Variants in PLA2G4C observed in about 807,000 individuals in gnomAD.
PLA2G4C encodes phospholipase A2 group IVC, also known as cytosolic phospholipase A2 gamma.
PLA2G4C carries 64 observed loss-of-function variants against 73.8 expected under a neutral mutation model. The ratio of observed to expected loss-of-function variants is 0.87; its 90% CI spans 0.71 to 1.07. The LOEUF (loss-of-function observed/expected upper bound fraction) is 1.07. Ranked by LOEUF, PLA2G4C falls within the 50% of genes least tolerant of loss-of-function variation. PLA2G4C has a pLI of 0.00. For missense variants in PLA2G4C, 622 were observed against 665.4 expected (o/e 0.93, Z 0.72); for synonymous variants, 254 against 252.1 (o/e 1.01, Z -0.07).
In PLA2G4C at chr19:48,063,092, G is replaced by A. The variant is rs574035709; in HGVS notation, c.1103-940C>T. Reference sequence around the variant, plus strand: ...AGGAGTCTCGTTCTGTTGCCCAGGCGGGAGTGCAGTGGCGCAATCTCCACT... The same window carrying A: ...AGGAGTCTCGTTCTGTTGCCCAGGCAGGAGTGCAGTGGCGCAATCTCCACT... On this transcript the variant is annotated intron_variant, in intron 13 of 16. Transcript: ENST00000599921. Among the ~76,000 whole-genome samples, 91 of 152,018 alleles carry A rather than the reference G, an allele frequency of 6.0e-4. No homozygotes were observed. In the South Asian group the frequency reaches 8.7e-3, roughly 15 times the overall value.
intron 9 of PLA2G4C, among the ~76,000 whole-genome samples, chr19:48,087,817 C>G (rs1239842075): frequency 1.3e-5 from 2 of 151,964 alleles, no homozygotes; most frequent in Non-Finnish European, 2.9e-5. Flanking sequence ...GCCTGCAATC[C>G]CAGCTACTCA....
chr19:48,075,994 T>G (rs1298430644), intron 11 of PLA2G4C, among the ~76,000 whole-genome samples: 1 of 152,354 alleles, frequency 6.6e-6, no homozygotes, highest in African/African-American at 2.4e-5. Flanking sequence ...AAGTTGGCTC[T>G]CTGCAACCCA....
intron 8 of PLA2G4C, among the ~76,000 whole-genome samples, chr19:48,089,293 G>A (rs1389595455): frequency 6.6e-6 from 1 of 152,136 alleles, no homozygotes; most frequent in Non-Finnish European, 1.5e-5. Context: ...CAGGCACGGT[G>A]GTGCGCGCCT....
chr19:48,067,724 C>G, intron 13 of PLA2G4C, 67 bp downstream of exon 13: 2 of 1,068,432 alleles, frequency 1.9e-6, no homozygotes, highest in Non-Finnish European at 2.9e-6. Flanking sequence ...AGGCCCACCC[C>G]CTTCCCCTAC....
intron 8 of PLA2G4C, 140 bp downstream of exon 8, chr19:48,090,224 A>G: frequency 1.4e-6 from 1 of 691,612 alleles, no homozygotes; most frequent in Non-Finnish European, 2.6e-6. Flanking sequence ...GCCCAATTAT[A>G]TGAGAATAAA....
chr19:48,103,903 G>GA (rs796900688), intron 4 of PLA2G4C: 164 of 151,158 alleles, frequency 1.1e-3, no homozygotes, highest in African/African-American at 3.4e-3. Context: ...TTCTTTTTTA[G>GA]AAAAAAAAAA....
chr19:48,051,308 C>T (rs930230733), intron 16 of PLA2G4C, among the ~76,000 whole-genome samples: 16 of 152,172 alleles, frequency 1.1e-4, no homozygotes, highest in African/African-American at 2.4e-5. Flanking sequence ...ACTTCTAGAA[C>T]TGTATGAGTC....
At chr19:48,076,649 A>T (rs570119206) in intron 11 of PLA2G4C, among the ~76,000 whole-genome samples, 2 of 152,142 alleles carry the variant, frequency 1.3e-5, no homozygotes, top group African/African-American at 4.8e-5. Flanking sequence ...AGTCTGGGGC[A>T]GGAGAATAGC....
chr19:48,105,945 CCCTT>C (rs2032204134), intron 2 of PLA2G4C, among the ~76,000 whole-genome samples: 1 of 8,344 alleles, frequency 1.2e-4, no homozygotes. Context: ...CTCCCTCCCT[CCCTT>C]CTTTCTTTCT....
chr19:48,110,504 G>A lies in PLA2G4C; in HGVS notation c.-50C>T, dbSNP rs1227694743. 8.3e-7 allele frequency: 1 copy of A among 1,203,850 alleles called. No homozygotes were observed. The highest frequency in any genetic ancestry group is 4.8e-5 in the East Asian group (1 of 20,750). The allele number at this position is 1,203,850 out of a possible 1,614,324, so 74.6% of individuals were successfully genotyped here. ...CGGCTTGCCTGAGCCTGGGTCTGGG[G>A]CGTGTGCGCATGCGCGGTGGAGCTT... On this transcript the variant is annotated 5_prime_UTR_variant, in exon 1 of 17. Coordinates refer to ENST00000599921, the MANE Select transcript of PLA2G4C (RefSeq NM_003706.3).
At chr19:48,100,246 G>A (rs931818436) in intron 4 of PLA2G4C, among the ~76,000 whole-genome samples, 1 of 152,128 alleles carries the variant, frequency 6.6e-6, no homozygotes, top group Non-Finnish European at 1.5e-5. Flanking sequence ...GCCAGGTGTG[G>A]TGGTTCATGC....
chr19:48,104,640 G>C lies in PLA2G4C; in HGVS notation c.205C>G (p.Gln69Glu), dbSNP rs778075391. Residue 69 changes from glutamine to glutamate, a missense_variant, in exon 4 of 17, where the codon CAG (glutamine) becomes GAG (glutamate). Physicochemically the swap from Gln to Glu is conservative, Grantham distance 29. Transcript: ENST00000599921. Reference sequence around the variant, plus strand: ...TACGTGACGGCATCCAACAGGCCCTGTTCTTTCATCTCACTCAGGACCCCA... The same window carrying C: ...TACGTGACGGCATCCAACAGGCCCTCTTCTTTCATCTCACTCAGGACCCCA... The part of the protein sequence containing the change: ...CLGVLSEMKE[Q>E]GLLDAVTYLA... 26 of 1,613,958 alleles carry C rather than the reference G, an allele frequency of 1.6e-5. No individual in the cohort carries two copies. Among genetic ancestry groups the C allele is most frequent in the Non-Finnish European group, 2.2e-5 (26 of 1,179,976 alleles).
intron 12 of PLA2G4C, 45 bp downstream of exon 12, chr19:48,074,722 G>T (rs1014257664): frequency 2.3e-6 from 3 of 1,309,856 alleles, no homozygotes; most frequent in Admixed American, 1.7e-5. Flanking sequence ...GGAGAAGGTT[G>T]GTGGCACTTA....
chr19:48,098,317 A>G, intron 5 of PLA2G4C, 58 bp from the exon 6 acceptor site: 2 of 1,507,212 alleles, frequency 1.3e-6, no homozygotes, highest in East Asian at 2.4e-5. Context: ...ACAGGGTGGA[A>G]CCTCTGCACG....
At chr19:48,064,512 C>T (rs377387458) in intron 13 of PLA2G4C, among the ~76,000 whole-genome samples, 86 of 151,224 alleles carry the variant, frequency 5.7e-4, no homozygotes, top group African/African-American at 1.2e-3. Flanking sequence ...ATTAGGAATG[C>T]GTCTGTTCTC....
chr19:48,059,072 A>G (rs1047196131), intron 14 of PLA2G4C, among the ~76,000 whole-genome samples: 5 of 152,054 alleles, frequency 3.3e-5, no homozygotes, highest in African/African-American at 9.7e-5. Context: ...GGAGTTCAAG[A>G]CCAGCCTGGC....
At chr19:48,091,009 A>AC (rs2031264761) in intron 7 of PLA2G4C, among the ~76,000 whole-genome samples, 1 of 146,800 alleles carries the variant, frequency 6.8e-6, no homozygotes, top group Non-Finnish European at 1.5e-5. Flanking sequence ...CTGACTTCAA[A>AC]AAAAAAAAAA....
At chr19:48,095,073 A>C (rs1049190102) in intron 7 of PLA2G4C, among the ~76,000 whole-genome samples, 1 of 152,116 alleles carries the variant, frequency 6.6e-6, no homozygotes, top group Non-Finnish European at 1.5e-5. Context: ...TCTTGTGTAG[A>C]GACACAGTGT....
chr19:48,110,208 T>G (rs1028497109), intron 1 of PLA2G4C, among the ~76,000 whole-genome samples: 3 of 151,124 alleles, frequency 2.0e-5, no homozygotes, highest in Non-Finnish European at 4.4e-5. Flanking sequence ...TAGCCGGGTG[T>G]GGTGGTGTGC....
Sources: allele counts gnomAD v4.1 joint callset (sites outside exome capture counted in the v4.1 genomes callset), GRCh38; gene constraint gnomAD v4.1.1; transcripts MANE v1.5; gene names NCBI Gene and HGNC (gene_info 2026-07-23, HGNC 2026-07-21).